The following FKBP1A variants were observed in gnomAD, a reference collection of about 807,000 sequenced individuals.
The protein encoded by FKBP1A is peptidyl-prolyl cis-trans isomerase FKBP1A.
FKBP1A carries 5 observed loss-of-function variants against 14.2 expected under a neutral mutation model. The ratio of observed to expected loss-of-function variants is 0.35; its 90% CI spans 0.18 to 0.74. The LOEUF (loss-of-function observed/expected upper bound fraction) is 0.74. FKBP1A is among the 30% of genes least tolerant of loss of function. The probability of loss-of-function intolerance (pLI) is 0.56; values close to 1 mark genes in which losing one functional copy is unlikely to be tolerated. For missense variants in FKBP1A, 53 were observed against 138.8 expected, an observed-to-expected ratio of 0.38 and a Z score of 3.10; for synonymous variants, 42 against 49.1, an observed-to-expected ratio of 0.86 and a Z score of 0.60.
chr20:1,369,886 T>C lies in FKBP1A; in HGVS notation c.*223A>G, dbSNP rs2089439327. 8.7e-6 allele frequency: 7 copies of C among 800,170 alleles called. No homozygotes were observed. The highest frequency in any genetic ancestry group is 1.3e-5 in the Non-Finnish European group (7 of 523,594). The allele number at this position is 800,170 out of a possible 1,614,324, so 49.6% of individuals were successfully genotyped here. A position where few individuals can be genotyped will look rare whatever the true frequency, so the allele number is the denominator to read the frequency against. On this transcript the variant is annotated 3_prime_UTR_variant, in exon 5 of 5. Transcript: ENST00000400137. ...TGAATAACTTGAGGTTTATGGCATATAGTTTAGGTAAACACACATACGAGG... is the reference window on the plus strand; with the variant it reads ...TGAATAACTTGAGGTTTATGGCATACAGTTTAGGTAAACACACATACGAGG...
rs2089667644 is a variant in FKBP1A at position 1,386,200 on chromosome 20, A to C, written c.85+6634T>G. Among the ~76,000 whole-genome samples the C allele has an allele frequency of 6.6e-6, 1 of 152,182 alleles. No individual in the cohort carries two copies. On this transcript the variant is annotated intron_variant, in intron 2 of 4. Coordinates refer to ENST00000400137, the MANE Select transcript of FKBP1A (RefSeq NM_000801.5). This position sits in a 1 kb window ranked among gnomAD's most constrained non-coding sequence, Gnocchi z 4.7. ...TTCCTCCTGCCTGACTGCACCATAC[A>C]CACCCAAGACCAAATGGCACTTCCT...
chr20:1,389,720 A>C (rs1254887760), intron 2 of FKBP1A, among the ~76,000 whole-genome samples: 1 of 152,208 alleles, frequency 6.6e-6, no homozygotes, highest in Non-Finnish European at 1.5e-5. Context: ...TGCTCTCACA[A>C]TGGCAGGCAC....
chr20:1,373,211 C>T (rs1183804295), intron 3 of FKBP1A: 1 of 152,226 alleles, frequency 6.6e-6, no homozygotes, highest in Non-Finnish European at 1.5e-5. Flanking sequence ...TCAAAACAAT[C>T]ATATTCCTTG....
intron 2 of FKBP1A, among the ~76,000 whole-genome samples, chr20:1,388,202 A>T (rs2089689760): frequency 6.6e-6 from 1 of 152,248 alleles, no homozygotes. Flanking sequence ...TCAGACACTT[A>T]AAAGATTAAA....
intron 3 of FKBP1A, 120 bp from the exon 4 acceptor site, chr20:1,372,360 T>C: frequency 5.7e-6 from 6 of 1,050,258 alleles, no homozygotes; most frequent in South Asian, 1.5e-5. Flanking sequence ...TCCAGTGACT[T>C]TGCAGCTGCC....
At chr20:1,372,285 C>T (rs2089476145) in intron 3 of FKBP1A, 45 bp from the exon 4 acceptor site, 4 of 1,599,940 alleles carry the variant, frequency 2.5e-6, no homozygotes, top group Non-Finnish European at 3.4e-6. Flanking sequence ...ACACATGCCC[C>T]AACTGTCTCT....
In FKBP1A at chr20:1,372,182, G is replaced by A. The variant is rs2089475123; in HGVS notation, c.257C>T (p.Thr86Ile). 4.3e-6 allele frequency: 7 copies of A among 1,613,144 alleles called. No homozygotes were observed. The highest frequency in any genetic ancestry group is 5.1e-6 in the Non-Finnish European group (6 of 1,179,268). Residue 86 changes from threonine to isoleucine, a missense_variant, in exon 4 of 5, where the codon ACT becomes ATT. Thr to Ile is a moderately conservative substitution (Grantham distance 89). Around this residue, in one of 2 missense-constraint regions of FKBP1A, gnomAD observed 35 missense variants for 118.1 expected, o/e 0.30. Transcript: ENST00000400137. ...TISPDYAYGATGHPGIIPPHA... is the reference protein window; with the variant it reads ...TISPDYAYGAIGHPGIIPPHA... ...TGGTGGGATGATGCCTGGGTGCCCAGTGGCACCATAGGCATAATCTGGAGA... is the reference window on the plus strand; with the variant it reads ...TGGTGGGATGATGCCTGGGTGCCCAATGGCACCATAGGCATAATCTGGAGA...
chr20:1,385,850 A>G (rs2089664419), intron 2 of FKBP1A, among the ~76,000 whole-genome samples: 1 of 152,230 alleles, frequency 6.6e-6, no homozygotes, highest in Non-Finnish European at 1.5e-5. Flanking sequence ...ACAGTCACAT[A>G]GGTTACATCC....
At chr20:1,371,882 C>T (rs922568228) in intron 4 of FKBP1A, 194 bp downstream of exon 4, 1 of 1,308,248 alleles carries the variant, frequency 7.6e-7, no homozygotes, top group African/African-American at 1.5e-5. Flanking sequence ...ATGCCAATTC[C>T]TTTCCTTAGG....
chr20:1,382,698 AACTTT>A (rs1234990208), intron 2 of FKBP1A, among the ~76,000 whole-genome samples: 3 of 152,196 alleles, frequency 2.0e-5, no homozygotes, highest in Admixed American at 1.3e-4. Context: ...CAGAATGGTA[AACTTT>A]ACTTTAAGCA....
intron 2 of FKBP1A, 92 bp downstream of exon 2, chr20:1,392,742 C>G: frequency 1.0e-6 from 1 of 964,988 alleles, no homozygotes; most frequent in Non-Finnish European, 1.4e-6. Context: ...CGCCCCGGAC[C>G]CCAGGCCCCG....
chr20:1,370,944 G>GT lies in FKBP1A; in HGVS notation c.*37-873dup, dbSNP rs1264706274. ...GTAGCAATGACAGGTGAAGAAACCA[G>GT]TTATCAAACTTAACCAGGCCTGTAT... On this transcript the variant is annotated intron_variant, in intron 4 of 4. Transcript: ENST00000400137. 3.0e-6 allele frequency: 3 copies of GT among 985,390 alleles called. No individual in the cohort carries two copies. The East Asian group carries it at 3.4e-4, about 112-fold the overall frequency. 61.0% of individuals were successfully genotyped at this position (985,390 alleles called of 1,614,324 possible).
chr20:1,392,798 G>C, intron 2 of FKBP1A, 36 bp downstream of exon 2: 1 of 1,459,712 alleles, frequency 6.9e-7, no homozygotes, highest in Non-Finnish European at 9.1e-7. Context: ...TGCGGACTGC[G>C]GCCCGGGCCC....
chr20:1,373,078 A>T (rs2089490601), intron 3 of FKBP1A: 1 of 152,182 alleles, frequency 6.6e-6, no homozygotes, highest in Non-Finnish European at 1.5e-5. Flanking sequence ...ACTCCACCAG[A>T]CAGAGGATGA....
rs2089675016 is a variant in FKBP1A at position 1,386,977 on chromosome 20, G to A, written c.85+5857C>T. Among the ~76,000 whole-genome samples, 1 of 152,198 alleles carries A rather than the reference G, an allele frequency of 6.6e-6. No individual in the cohort carries two copies. Among genetic ancestry groups the A allele is most frequent in the African/African-American group, 2.4e-5 (1 of 41,438 alleles). On this transcript the variant is annotated intron_variant, in intron 2 of 4. Transcript: ENST00000400137. This position sits in a 1 kb window ranked among gnomAD's most constrained non-coding sequence, Gnocchi z 4.7. ...AACAAATGTCACCATGAGCACCAAA[G>A]GGAGAACTGAATGCTATGTGATTAA...
At chr20:1,391,492 T>C (rs1374302961) in intron 2 of FKBP1A, 3 of 391,690 alleles carry the variant, frequency 7.7e-6, no homozygotes, top group Non-Finnish European at 1.3e-5. Context: ...AACTCCTCCT[T>C]TGGCAGAATT....
chr20:1,370,679 G>A lies in FKBP1A; in HGVS notation c.*37-607C>T, dbSNP rs558741344. The A allele has an allele frequency of 3.0e-5, 30 of 985,380 alleles. No homozygotes were observed. In the African/African-American group the frequency reaches 4.7e-4, roughly 15 times the overall value. The allele number at this position is 985,380 out of a possible 1,614,324, so 61.0% of individuals were successfully genotyped here. On this transcript the variant is annotated intron_variant, in intron 4 of 4. Transcript: ENST00000400137. ...TTGCAAGAAGCTGAGACATTCTTTG[G>A]CAGTGGGTTGGGAGGGTTACTCGGG...
At position 1,370,634 on chromosome 20, in the gene FKBP1A, T is replaced by G; in HGVS notation, c.*37-562A>C. 6.1e-6 allele frequency: 6 copies of G among 985,444 alleles called. 1 individual carries two copies. Among genetic ancestry groups the G allele is most frequent in the Non-Finnish European group, 7.2e-6 (6 of 829,932 alleles). The allele number at this position is 985,444 out of a possible 1,614,324, so 61.0% of individuals were successfully genotyped here. A position where few individuals can be genotyped will look rare whatever the true frequency, so the allele number is the denominator to read the frequency against. On this transcript the variant is annotated intron_variant, in intron 4 of 4. Transcript: ENST00000400137. ...ACTTAAAACTTTCTGGGTTTGCCCT[T>G]GGATTTTCCTTCCAGACTCTTGCAA...
At chr20:1,391,415 C>T (rs958549324) in intron 2 of FKBP1A, among the ~76,000 whole-genome samples, 1 of 152,188 alleles carries the variant, frequency 6.6e-6, no homozygotes, top group Non-Finnish European at 1.5e-5. Context: ...TCTAAAACAT[C>T]AAAAGCACTT....
Sources: allele counts gnomAD v4.1 joint callset (sites outside exome capture counted in the v4.1 genomes callset), GRCh38; gene constraint gnomAD v4.1.1; regional missense constraint gnomAD v4.1.1; non-coding constraint Gnocchi (gnomAD v3.1); transcripts MANE v1.5; gene names NCBI Gene and HGNC (gene_info 2026-07-23, HGNC 2026-07-21).